Variants in APBB2 observed in about 807,000 individuals in gnomAD.
The protein encoded by APBB2 is amyloid beta precursor protein binding family B member 2, also known as Fe65-like 1.
In APBB2, 38 loss-of-function variants were observed where a neutral mutation model predicts 82.5. The ratio of observed to expected loss-of-function variants is 0.46; its 90% CI spans 0.36 to 0.60. The LOEUF is 0.60. Among genes scored for constraint, APBB2 ranks in the 20% least tolerant of loss-of-function variants. The pLI is 0.00. For synonymous variants in APBB2, 341 were observed against 368.2 expected (o/e 0.93, Z 0.85); for missense variants, 772 against 972.3 (o/e 0.79, Z 2.74).
At chr4:40,944,062 T>C (rs561431972) in intron 7 of APBB2, among the ~76,000 whole-genome samples, 150 of 152,356 alleles carry the variant, frequency 9.8e-4, no homozygotes, top group Non-Finnish European at 1.8e-3. Context: ...CCCTCATGCC[T>C]CAAGGCAAAA....
intron 1 of APBB2, among the ~76,000 whole-genome samples, chr4:41,176,830 A>C (rs1170039606): frequency 6.6e-6 from 1 of 152,230 alleles, no homozygotes; most frequent in Non-Finnish European, 1.5e-5. Flanking sequence ...AAAAAATTTG[A>C]GATCTTATTA....
chr4:40,825,476 GT>G (rs1749582766), intron 15 of APBB2, among the ~76,000 whole-genome samples: 1 of 152,208 alleles, frequency 6.6e-6, no homozygotes, highest in South Asian at 2.1e-4. Flanking sequence ...TGCCACTACT[GT>G]GTCACTCCTT....
At chr4:41,138,301 C>T (rs911344032) in intron 2 of APBB2, 1 of 152,128 alleles carries the variant, frequency 6.6e-6, no homozygotes, top group African/African-American at 2.4e-5. Context: ...AATTTTGTTA[C>T]AATTAAAAAC....
chr4:40,941,918 T>C lies in APBB2; in HGVS notation c.1044+2947A>G, dbSNP rs1314406857. On this transcript the variant is annotated intron_variant, in intron 7 of 17. Transcript: ENST00000508593. ...TCCCAAAGAGCTGGGATTACAGGCG[T>C]GAGCTGCAGCACCTGACCACATAAG... 5.9e-5 allele frequency among the ~76,000 whole-genome samples: 9 copies of C among 152,260 alleles called. No homozygotes were observed. In the South Asian group the frequency reaches 6.2e-4, roughly 11 times the overall value.
chr4:41,117,210 G>A (rs1751276507), intron 2 of APBB2, among the ~76,000 whole-genome samples: 1 of 151,902 alleles, frequency 6.6e-6, no homozygotes, highest in African/African-American at 2.4e-5. Flanking sequence ...GGTGAGGCCA[G>A]AGTCTGGAAA....
intron 11 of APBB2, among the ~76,000 whole-genome samples, chr4:40,891,976 G>C (rs534325337): frequency 1.4e-5 from 2 of 143,848 alleles, no homozygotes; most frequent in South Asian, 4.4e-4. Flanking sequence ...TTTTGAGATA[G>C]AGTCTCACTT....
chr4:41,196,241 T>TA, intron 1 of APBB2, among the ~76,000 whole-genome samples: 3 of 152,170 alleles, frequency 2.0e-5, no homozygotes, highest in African/African-American at 4.8e-5. Context: ...TCACAGCACT[T>TA]ACAGTTTGTA....
At position 40,860,038 on chromosome 4, in the gene APBB2, G is replaced by A. The variant is rs550538607; in HGVS notation, c.1530-29461C>T. On this transcript the variant is annotated intron_variant, in intron 12 of 17. Coordinates refer to ENST00000508593, the MANE Select transcript of APBB2 (RefSeq NM_004307.2). ...CTTCGTACTCCTGCTGCAGCTTGGT[G>A]TTAAATATTTGGAAAATCATCCATT... Among the ~76,000 whole-genome samples, 5 of 152,324 alleles carry A rather than the reference G, an allele frequency of 3.3e-5. No homozygotes were observed. The East Asian group carries it at 9.6e-4, about 29-fold the overall frequency.
At chr4:40,908,014 GGTGT>G (rs558365424) in intron 10 of APBB2, among the ~76,000 whole-genome samples, 3 of 151,072 alleles carry the variant, frequency 2.0e-5, no homozygotes, top group African/African-American at 4.9e-5. Flanking sequence ...ATGTGTATGT[GGTGT>G]GTGTGTGTGG....
intron 7 of APBB2, among the ~76,000 whole-genome samples, chr4:40,939,476 A>G (rs1786280140): frequency 6.6e-6 from 1 of 152,238 alleles, no homozygotes; most frequent in African/African-American, 2.4e-5. Context: ...ATGTCTCTCA[A>G]TGCCATTTTG....
intron 2 of APBB2, among the ~76,000 whole-genome samples, chr4:41,113,762 T>G (rs1432896129): frequency 6.6e-6 from 1 of 152,120 alleles, no homozygotes; most frequent in African/African-American, 2.4e-5. Flanking sequence ...TCCTTATTTT[T>G]TTGGAGATGG....
chr4:40,881,569 T>C (rs561997435), intron 12 of APBB2, among the ~76,000 whole-genome samples: 1 of 138,454 alleles, frequency 7.2e-6, no homozygotes, highest in Non-Finnish European at 1.5e-5. Context: ...ACTCTCGCTC[T>C]GTCACCGAGG....
chr4:41,085,864 A>G (rs1739474559), intron 3 of APBB2, among the ~76,000 whole-genome samples: 1 of 152,190 alleles, frequency 6.6e-6, no homozygotes. Flanking sequence ...GTTATAAATG[A>G]AAGTCATAAA....
intron 5 of APBB2, among the ~76,000 whole-genome samples, chr4:41,027,324 T>C (rs1228192604): frequency 1.4e-5 from 2 of 146,352 alleles, no homozygotes; most frequent in Non-Finnish European, 3.0e-5. Context: ...TTTTTGTACA[T>C]ACACACACAC....
intron 6 of APBB2, among the ~76,000 whole-genome samples, chr4:40,957,640 A>G (rs1336135001): frequency 9.3e-5 from 14 of 149,762 alleles, no homozygotes; most frequent in Non-Finnish European, 1.9e-4. Context: ...CTGGAGTGCA[A>G]TGGTGCGATC....
At chr4:41,071,688 A>G (rs1733946537) in intron 3 of APBB2, among the ~76,000 whole-genome samples, 1 of 152,168 alleles carries the variant, frequency 6.6e-6, no homozygotes, top group South Asian at 2.1e-4. Context: ...CTCAAAAAAA[A>G]CAATTAAAAT....
Position 41,174,021 on chromosome 4 carries a change from C to T in APBB2, c.-416-30879G>A, listed in dbSNP as rs1171199336. Among the ~76,000 whole-genome samples the T allele has an allele frequency of 2.6e-5, 4 of 152,204 alleles. No individual in the cohort carries two copies. The East Asian group carries it at 7.7e-4, about 29-fold the overall frequency. On this transcript the variant is annotated intron_variant, in intron 1 of 17. Transcript: ENST00000508593. ...TGAACAAAAGCAAGATAAATCACAGCTAACCTAGGTAGTCCCTGTTCACAC... is the reference window on the plus strand; with the variant it reads ...TGAACAAAAGCAAGATAAATCACAGTTAACCTAGGTAGTCCCTGTTCACAC...
At chr4:41,116,380 G>T (rs1180408164) in intron 2 of APBB2, among the ~76,000 whole-genome samples, 1 of 152,130 alleles carries the variant, frequency 6.6e-6, no homozygotes, top group East Asian at 1.9e-4. Flanking sequence ...GGGTTGATGG[G>T]TGCAGCAAGC....
At chr4:40,995,220 A>T (rs957046059) in intron 6 of APBB2, among the ~76,000 whole-genome samples, 1 of 152,212 alleles carries the variant, frequency 6.6e-6, no homozygotes, top group Non-Finnish European at 1.5e-5. Context: ...ATACACTGGC[A>T]TTGAGAATGT....
Sources: allele counts gnomAD v4.1 joint callset (sites outside exome capture counted in the v4.1 genomes callset), GRCh38; gene constraint gnomAD v4.1.1; transcripts MANE v1.5; gene names NCBI Gene and HGNC (gene_info 2026-07-23, HGNC 2026-07-21).